The following PLXNA4 variants were observed in gnomAD, a reference collection of about 807,000 sequenced individuals.
PLXNA4 encodes the protein plexin-A4.
PLXNA4 carries 44 observed loss-of-function variants against 191.8 expected under a neutral mutation model. That is an observed-to-expected ratio of 0.23 (90% confidence interval 0.18 to 0.29). PLXNA4 has a LOEUF of 0.29. Among genes scored for constraint, PLXNA4 ranks in the 10% least tolerant of loss-of-function variants. The probability of loss-of-function intolerance (pLI) is 1.00; values close to 1 mark genes in which losing one functional copy is unlikely to be tolerated. For synonymous variants in PLXNA4, 1,082 were observed against 1,009.5 expected (o/e 1.07, Z -1.36); for missense variants, 1,800 against 2,488.8 (o/e 0.72, Z 5.89).
chr7:132,276,226 G>A (rs1050562746), intron 4 of PLXNA4, among the ~76,000 whole-genome samples: 1 of 152,164 alleles, frequency 6.6e-6, no homozygotes, highest in African/African-American at 2.4e-5. Context: ...AAAGGAATAT[G>A]AGTGGGGACT....
intron 25 of PLXNA4, among the ~76,000 whole-genome samples, chr7:132,156,534 A>C (rs1795803634): frequency 6.6e-6 from 1 of 152,204 alleles, no homozygotes; most frequent in South Asian, 2.1e-4. Context: ...GCTGGGCATC[A>C]GGAGAGGGAA....
chr7:132,579,342 C>A (rs1802356781), upstream of PLXNA4, among the ~76,000 whole-genome samples: 1 of 152,010 alleles, frequency 6.6e-6, no homozygotes, highest in African/African-American at 2.4e-5. Context: ...GGTGAGAAAA[C>A]AACTCTGTCT....
chr7:132,548,970 G>A (rs982914841), intron 1 of PLXNA4, among the ~76,000 whole-genome samples: 1 of 152,184 alleles, frequency 6.6e-6, no homozygotes, highest in African/African-American at 2.4e-5. Flanking sequence ...CACCATGACA[G>A]TTTACAAATG....
At chr7:132,162,258 G>A (rs1335317173) in intron 24 of PLXNA4, among the ~76,000 whole-genome samples, 1 of 152,172 alleles carries the variant, frequency 6.6e-6, no homozygotes, top group African/African-American at 2.4e-5. Context: ...GCCTGAAGGT[G>A]GCTATTAAAG....
chr7:132,529,312 C>A (rs1029478294), intron 1 of PLXNA4, among the ~76,000 whole-genome samples: 1 of 152,228 alleles, frequency 6.6e-6, no homozygotes, highest in African/African-American at 2.4e-5. Flanking sequence ...CTCAAATCCT[C>A]CCTACTCTGC....
At chr7:132,454,607 T>C (rs1293885545) in intron 3 of PLXNA4, among the ~76,000 whole-genome samples, 1 of 151,982 alleles carries the variant, frequency 6.6e-6, no homozygotes, top group African/African-American at 2.4e-5. Flanking sequence ...CCCCAGTACC[T>C]CTGAATGTGA....
chr7:132,220,911 C>T (rs1158068977), intron 9 of PLXNA4, among the ~76,000 whole-genome samples: 1 of 149,974 alleles, frequency 6.7e-6, no homozygotes, highest in Non-Finnish European at 1.5e-5. Flanking sequence ...CTCCCAGGCT[C>T]AAGCAATCCT....
At chr7:132,183,752 C>T (rs1314567634) in intron 16 of PLXNA4, among the ~76,000 whole-genome samples, 1 of 152,204 alleles carries the variant, frequency 6.6e-6, no homozygotes, top group Non-Finnish European at 1.5e-5. Context: ...ATGGCCAAAG[C>T]TCAGAAGGTT....
chr7:132,160,934 AAC>A (rs1491421028), intron 24 of PLXNA4, among the ~76,000 whole-genome samples: 1 of 94,258 alleles, frequency 1.1e-5, no homozygotes, highest in Non-Finnish European at 3.3e-5. Flanking sequence ...AAGAAAAAAA[AAC>A]CCCTGAAATC....
chr7:132,290,509 T>TA (rs1246049423), intron 4 of PLXNA4, among the ~76,000 whole-genome samples: 1 of 152,226 alleles, frequency 6.6e-6, no homozygotes, highest in Non-Finnish European at 1.5e-5. Context: ...GGCAGGTTTT[T>TA]ATCACACTGG....
intron 3 of PLXNA4, among the ~76,000 whole-genome samples, chr7:132,473,636 G>T (rs1797012813): frequency 6.6e-6 from 1 of 152,160 alleles, no homozygotes; most frequent in Non-Finnish European, 1.5e-5. Context: ...TAATGGGGAT[G>T]GATAGTGATG....
intron 3 of PLXNA4, chr7:132,485,149 T>C: frequency 7.7e-7 from 1 of 1,290,352 alleles, no homozygotes; most frequent in Non-Finnish European, 1.0e-6. Flanking sequence ...CATGGGAATG[T>C]GCACCCAGTA....
At chr7:132,642,174 C>T (rs1803757271) in intron 2 of PLXNA4, among the ~76,000 whole-genome samples, 1 of 151,928 alleles carries the variant, frequency 6.6e-6, no homozygotes, top group Non-Finnish European at 1.5e-5. Flanking sequence ...CTTTAATTTT[C>T]TAGGTAATAA....
intron 3 of PLXNA4, among the ~76,000 whole-genome samples, chr7:132,425,893 CAG>C (rs1465368283): frequency 6.6e-6 from 1 of 152,226 alleles, no homozygotes; most frequent in Non-Finnish European, 1.5e-5. Flanking sequence ...TGGAGGCAGA[CAG>C]GGGCTTCTGC....
chr7:132,152,103 G>A (rs777978986), intron 25 of PLXNA4, among the ~76,000 whole-genome samples: 5 of 152,142 alleles, frequency 3.3e-5, no homozygotes, highest in African/African-American at 4.8e-5. Context: ...TTTCTGGAGC[G>A]CTCTTGCACG....
At chr7:132,400,992 C>G (rs1793960917) in intron 3 of PLXNA4, among the ~76,000 whole-genome samples, 1 of 152,122 alleles carries the variant, frequency 6.6e-6, no homozygotes, top group Non-Finnish European at 1.5e-5. Flanking sequence ...GCAAGCAGGC[C>G]AGAAGAGGAC....
intron 20 of PLXNA4, among the ~76,000 whole-genome samples, chr7:132,179,125 GCGTGCT>G (rs1796600984): frequency 3.6e-5 from 2 of 56,034 alleles, no homozygotes; most frequent in African/African-American, 2.6e-4. Flanking sequence ...ACATACACGT[GCGTGCT>G]CACACACGTG....
chr7:132,316,045 C>T (rs549585336), intron 3 of PLXNA4, among the ~76,000 whole-genome samples: 1 of 152,296 alleles, frequency 6.6e-6, no homozygotes, highest in African/African-American at 2.4e-5. Context: ...TATGATCTGA[C>T]TTTCATAAAC....
chr7:132,488,307 T>C (rs192134260), intron 3 of PLXNA4, among the ~76,000 whole-genome samples: 4 of 152,296 alleles, frequency 2.6e-5, no homozygotes, highest in East Asian at 1.9e-4. Context: ...CCTCTAAATA[T>C]GCCCAGAACA....
Sources: gnomAD v4.1 joint callset for allele counts (sites outside exome capture counted in the v4.1 genomes callset) on GRCh38, gnomAD v4.1.1 for gene constraint, MANE v1.5 for transcripts, NCBI Gene and HGNC (gene_info 2026-07-23, HGNC 2026-07-21) for gene names.